The following BRAF variants were observed in gnomAD, a reference collection of about 807,000 sequenced individuals.
BRAF encodes the protein serine/threonine-protein kinase B-raf.
In BRAF, 16 loss-of-function variants were observed where a neutral mutation model predicts 104.6. That is an observed-to-expected ratio of 0.15 (90% confidence interval 0.10 to 0.23). BRAF has a LOEUF of 0.23. Ranked by LOEUF, BRAF falls within the 10% of genes least tolerant of loss-of-function variation. The pLI is 1.00. For synonymous variants in BRAF, 310 were observed against 341.6 expected (o/e 0.91, Z 1.02); for missense variants, 541 against 937.3 (o/e 0.58, Z 5.52).
intron 12 of BRAF, among the ~76,000 whole-genome samples, chr7:140,778,389 A>G (rs1383289057): frequency 1.3e-5 from 2 of 152,188 alleles, no homozygotes; most frequent in Non-Finnish European, 2.9e-5. Flanking sequence ...ATTAAATTAT[A>G]CTTACTAGGC....
chr7:140,794,112 G>C (rs1025484384), intron 8 of BRAF, among the ~76,000 whole-genome samples, 196 bp downstream of exon 8: 1 of 152,120 alleles, frequency 6.6e-6, no homozygotes, highest in African/African-American at 2.4e-5. Context: ...GTATAACCTG[G>C]AGTCAGTGAA....
Position 140,886,734 on chromosome 7 carries a change from T to C in BRAF, c.139-36522A>G, listed in dbSNP as rs1214929428. On this transcript the variant is annotated intron_variant, in intron 1 of 19. Coordinates refer to ENST00000644969, the MANE Select transcript of BRAF (RefSeq NM_001374258.1). ...CTCACATCACCCCCCATTTTTTCTT[T>C]TGGCACATATCACAATTCAGAATTT... Among the ~76,000 whole-genome samples the C allele has an allele frequency of 2.6e-5, 4 of 152,338 alleles. No homozygotes were observed. The South Asian group carries it at 6.2e-4, about 24-fold the overall frequency.
chr7:140,810,057 A>G (rs1347540279), intron 3 of BRAF, among the ~76,000 whole-genome samples: 1 of 152,196 alleles, frequency 6.6e-6, no homozygotes, highest in East Asian at 1.9e-4. Flanking sequence ...GTTAGTTTGT[A>G]ACAATAAGTT....
intron 14 of BRAF, among the ~76,000 whole-genome samples, chr7:140,760,152 C>T (rs1432796256): frequency 1.3e-5 from 2 of 152,134 alleles, no homozygotes; most frequent in Non-Finnish European, 2.9e-5. Flanking sequence ...GTGGATCATG[C>T]CTGTAATTCC....
intron 3 of BRAF, chr7:140,822,368 C>A (rs1387799569): frequency 6.6e-6 from 1 of 152,196 alleles, no homozygotes; most frequent in Non-Finnish European, 1.5e-5. Context: ...ATGCAACCAT[C>A]ATCACATTCA....
rs149359297 is a variant in BRAF, at chr7:140,889,288, C to T, written c.138+35278G>A. On this transcript the variant is annotated intron_variant, in intron 1 of 19. Coordinates refer to ENST00000644969, the MANE Select transcript of BRAF (RefSeq NM_001374258.1). ...GAATTTGTACACACTATTATAATAA[C>T]GAACCTTGGCCTAATGGTATGTTGT... 8.8e-3 allele frequency among the ~76,000 whole-genome samples: 1,336 copies of T among 152,232 alleles called. 23 individuals carry two copies. Among genetic ancestry groups the T allele is most frequent in the African/African-American group, 0.03 (1,251 of 41,542 alleles).
chr7:140,851,992 T>A (rs1000319980), intron 1 of BRAF, among the ~76,000 whole-genome samples: 1 of 152,220 alleles, frequency 6.6e-6, no homozygotes, highest in Non-Finnish European at 1.5e-5. Flanking sequence ...TTGTTTTTCA[T>A]GACTCTTGTC....
chr7:140,913,034 T>G lies in BRAF; in HGVS notation c.138+11532A>C, dbSNP rs141666979. On this transcript the variant is annotated intron_variant, in intron 1 of 19. Coordinates refer to ENST00000644969, the MANE Select transcript of BRAF (RefSeq NM_001374258.1). ...TCCCGACACAGAATCTTTGAACTAA[T>G]TGGTTTATCTGAAATGCCTCCTCCT... 3.0e-3 allele frequency among the ~76,000 whole-genome samples: 460 copies of G among 152,338 alleles called. 2 individuals are homozygous for G. The highest frequency in any genetic ancestry group is 9.5e-3 in the African/African-American group (396 of 41,578).
rs1426995467 is a variant in BRAF, at chr7:140,762,172, A to G, written c.1815-7939T>C. On this transcript the variant is annotated intron_variant, in intron 14 of 19. Coordinates refer to ENST00000644969, the MANE Select transcript of BRAF (RefSeq NM_001374258.1). ...CTCCTCAGCAAATGTAAAAGAACAG[A>G]AATTATAACAAACTGTGTCTCAGAC... Among the ~76,000 whole-genome samples, 12 of 152,334 alleles carry G rather than the reference A, an allele frequency of 7.9e-5. No homozygotes were observed. In the East Asian group the frequency reaches 2.3e-3, roughly 29 times the overall value.
intron 5 of BRAF, among the ~76,000 whole-genome samples, chr7:140,806,326 T>C (rs890148048): frequency 1.3e-5 from 2 of 152,362 alleles, no homozygotes; most frequent in African/African-American, 2.4e-5. Context: ...TGAATGTTTA[T>C]GAAAATTTAT....
chr7:140,737,033 G>C (rs188877580), intron 18 of BRAF, among the ~76,000 whole-genome samples: 48 of 151,554 alleles, frequency 3.2e-4, no homozygotes, highest in African/African-American at 1.1e-3. Flanking sequence ...CTGGGCAACA[G>C]AACAGGCCCA....
intron 1 of BRAF, among the ~76,000 whole-genome samples, chr7:140,907,036 G>A (rs1174781897): frequency 1.3e-5 from 2 of 152,090 alleles, no homozygotes; most frequent in Non-Finnish European, 2.9e-5. Flanking sequence ...TCTTTCCAGA[G>A]CTCTGATTAA....
intron 1 of BRAF, among the ~76,000 whole-genome samples, chr7:140,889,039 C>T (rs1039126636): frequency 6.6e-6 from 1 of 151,996 alleles, no homozygotes; most frequent in Non-Finnish European, 1.5e-5. Context: ...TTACAGTGGC[C>T]CTCCATATCT....
At chr7:140,810,556 C>T (rs779892681) in intron 3 of BRAF, among the ~76,000 whole-genome samples, 10 of 152,022 alleles carry the variant, frequency 6.6e-5, no homozygotes, top group African/African-American at 1.7e-4. Context: ...GGTGACAGAG[C>T]GAGATACTGT....
At position 140,904,592 on chromosome 7, in the gene BRAF, T is replaced by C. The variant is rs1031801503; in HGVS notation, c.138+19974A>G. On this transcript the variant is annotated intron_variant, in intron 1 of 19. Transcript: ENST00000644969. ...AGTTCAAGGTATTTTCTAACTTCCA[T>C]TGTGATTTCTTCTTTGATGCATGGA... Among the ~76,000 whole-genome samples the C allele has an allele frequency of 2.0e-5, 3 of 152,268 alleles. No individual in the cohort carries two copies. In the East Asian group the frequency reaches 5.8e-4, roughly 29 times the overall value.
At chr7:140,799,609 T>C (rs761994633) in intron 7 of BRAF, 1 of 232,026 alleles carries the variant, frequency 4.3e-6, no homozygotes, top group Non-Finnish European at 8.5e-6. Context: ...CATGCTTCTA[T>C]TCCCTAGGCC....
intron 3 of BRAF, chr7:140,824,249 G>A (rs1805770262): frequency 6.6e-6 from 1 of 152,074 alleles, no homozygotes; most frequent in African/African-American, 2.4e-5. Flanking sequence ...TTTCTCCTAT[G>A]TTTTCTTGTA....
At position 140,858,782 on chromosome 7, in the gene BRAF, T is replaced by A. The variant is rs1810081591; in HGVS notation, c.139-8570A>T. ...TATACACACAGTAAAATGTTAACAA[T>A]CATTGAATCTTGGTAGTATAGGTAG... On this transcript the variant is annotated intron_variant, in intron 1 of 19. Transcript: ENST00000644969. 3.3e-5 allele frequency among the ~76,000 whole-genome samples: 5 copies of A among 152,088 alleles called. No homozygotes were observed. The South Asian group carries it at 1.0e-3, about 32-fold the overall frequency.
chr7:140,855,322 G>T (rs1809653462), intron 1 of BRAF, among the ~76,000 whole-genome samples: 1 of 151,982 alleles, frequency 6.6e-6, no homozygotes, highest in Non-Finnish European at 1.5e-5. Flanking sequence ...AAAACTTCAA[G>T]AAAGTTACTA....
Sources: gnomAD v4.1 joint callset for allele counts (sites outside exome capture counted in the v4.1 genomes callset) on GRCh38, gnomAD v4.1.1 for gene constraint, MANE v1.5 for transcripts, NCBI Gene and HGNC (gene_info 2026-07-23, HGNC 2026-07-21) for gene names.